Variants in TTC16 observed in about 807,000 individuals in gnomAD.
The protein encoded by TTC16 is tetratricopeptide repeat domain 16.
A neutral mutation model predicts 80.4 loss-of-function variants in TTC16; 66 were observed. The observed-to-expected ratio is 0.82, with a 90% CI of 0.67 to 1.01. The LOEUF is 1.01. Among genes scored for constraint, TTC16 ranks in the 50% least tolerant of loss-of-function variants. The pLI, the probability that TTC16 is intolerant of heterozygous loss-of-function variation, is 0.00. For missense variants in TTC16, 1,070 were observed against 1,103.2 expected (o/e 0.97, Z 0.43); for synonymous variants, 438 against 451.3 (o/e 0.97, Z 0.37).
chr9:127,722,998 C>A lies in TTC16; in HGVS notation c.658-121C>A. ...AAAAAAAAAAGCAGAAAGGGTGGAACATGGAGGGATGTGAGGGGCACGGAG... is the reference window on the plus strand; with the variant it reads ...AAAAAAAAAAGCAGAAAGGGTGGAAAATGGAGGGATGTGAGGGGCACGGAG... On this transcript the variant is annotated intron_variant, in intron 6 of 13. Transcript: ENST00000373289. The surrounding 1 kb of genome is among the most constrained non-coding windows in gnomAD (Gnocchi z 4.2). 2.6e-5 allele frequency: 23 copies of A among 870,216 alleles called. No homozygotes were observed. Among genetic ancestry groups the A allele is most frequent in the Non-Finnish European group, 4.0e-5 (23 of 568,926 alleles). 53.9% of individuals were successfully genotyped at this position (870,216 alleles called of 1,614,324 possible).
intron 9 of TTC16, among the ~76,000 whole-genome samples, chr9:127,725,205 C>T (rs1178654835): frequency 2.6e-5 from 4 of 151,814 alleles, no homozygotes; most frequent in Non-Finnish European, 5.9e-5. Context: ...GCCAGGGAGG[C>T]GGAGCTGGCA....
At position 127,722,749 on chromosome 9, in the gene TTC16, A is replaced by G. The variant is rs573000371; in HGVS notation, c.658-370A>G. Reference sequence around the variant, plus strand: ...GGTGGGCGGATCACCTAAGGTCAGGAGTTTGAGACCAGCCTGGCCAACATA... The same window carrying G: ...GGTGGGCGGATCACCTAAGGTCAGGGGTTTGAGACCAGCCTGGCCAACATA... On this transcript the variant is annotated intron_variant, in intron 6 of 13. Transcript: ENST00000373289. The surrounding 1 kb of genome is among the most constrained non-coding windows in gnomAD (Gnocchi z 4.2). Among the ~76,000 whole-genome samples, 14 of 152,232 alleles carry G rather than the reference A, an allele frequency of 9.2e-5. No individual in the cohort carries two copies. The highest frequency in any genetic ancestry group is 2.9e-4 in the African/African-American group (12 of 41,544).
At position 127,731,112 on chromosome 9, in the gene TTC16, G is replaced by C. The variant is rs753496466; in HGVS notation, c.2329G>C (p.Ala777Pro). 6.2e-7 allele frequency: 1 copy of C among 1,611,684 alleles called. No homozygotes were observed. Among genetic ancestry groups the C allele is most frequent in the Non-Finnish European group, 8.5e-7 (1 of 1,179,406 alleles). Residue 777 changes from alanine to proline, a missense_variant, in exon 14 of 14, where the codon GCT becomes CCT. By Grantham distance (27) the Ala-to-Pro change is conservative (BLOSUM62 -1). Transcript: ENST00000373289. Reference protein sequence around the residue: ...SPRQRPRKVKAARGRSWRPSK... With the variant: ...SPRQRPRKVKPARGRSWRPSK... ...AAGGCAGAGGCCCAGAAAGGTCAAG[G>C]CTGCTCGTGGCCGGAGCTGGAGACC...
rs570967923 is a variant in TTC16, at chr9:127,724,381, G to A, written c.1117+17G>A. ...ACCGAGGCGGTGCGCAGCGACCAGG[G>A]CACTGGGGAGGGGGGGTGCGGGGGA... On this transcript the variant is annotated intron_variant, in intron 8 of 13. Transcript: ENST00000373289. The A allele has an allele frequency of 8.7e-6, 14 of 1,605,814 alleles. No individual in the cohort carries two copies. Among genetic ancestry groups the A allele is most frequent in the South Asian group, 6.6e-5 (6 of 90,568 alleles).
chr9:127,729,533 G>A, intron 12 of TTC16, 48 bp from the exon 13 acceptor site: 2 of 1,525,446 alleles, frequency 1.3e-6, no homozygotes, highest in Non-Finnish European at 1.8e-6. Flanking sequence ...AGGTGCAGCT[G>A]CACGGGCCTC....
chr9:127,730,901 C>T lies in TTC16; in HGVS notation c.2118C>T (p.Asn706=). ...SKTKATIHKR[N]SSKTKATQSQ... is the part of the protein sequence containing the mutation. The stretch of plus-strand genomic sequence containing the variant: ...CCAAGGCCACTATACACAAGAGGAA[C>T]TCCAGCAAGACCAAGGCCACCCAAA... The change falls in exon 14 of 14, where the codon AAC becomes AAT. Residue 706 remains asparagine (N), a synonymous_variant. Transcript: ENST00000373289. 1.2e-6 allele frequency: 2 copies of T among 1,612,184 alleles called. No homozygotes were observed. The highest frequency in any genetic ancestry group is 8.5e-7 in the Non-Finnish European group (1 of 1,179,772).
chr9:127,716,528 A>G (rs1843024139), intron 1 of TTC16: 1 of 531,036 alleles, frequency 1.9e-6, no homozygotes, highest in Non-Finnish European at 3.4e-6. Context: ...AGCTGGAGAC[A>G]TCAAAGCTTG....
intron 13 of TTC16, 139 bp from the exon 14 acceptor site, chr9:127,730,497 G>A: frequency 1.5e-6 from 2 of 1,311,112 alleles, no homozygotes; most frequent in South Asian, 1.5e-5. Flanking sequence ...CTGGGCGGGG[G>A]TGATCTGCAG....
intron 10 of TTC16, 43 bp from the exon 11 acceptor site, chr9:127,726,927 G>A (rs1253060593): frequency 1.2e-6 from 2 of 1,611,018 alleles, no homozygotes; most frequent in Non-Finnish European, 1.7e-6. Context: ...TCTGTCTGCT[G>A]CTCTGGCCCT....
intron 9 of TTC16, among the ~76,000 whole-genome samples, chr9:127,725,540 G>A (rs71481317): frequency 0.56 from 66,556 of 118,442 alleles, 19,462 homozygotes; most frequent in Middle Eastern, 0.63. Context: ...CTCCAGCCTG[G>A]GTGACAGAGT....
chr9:127,723,823 G>A (rs1843684687), intron 7 of TTC16, among the ~76,000 whole-genome samples: 1 of 152,068 alleles, frequency 6.6e-6, no homozygotes, highest in South Asian at 2.1e-4. Flanking sequence ...AAACAGTGGT[G>A]GTAAAACACC....
At chr9:127,724,962 A>C (rs1005380490) in intron 9 of TTC16, 65 bp downstream of exon 9, 22 of 1,432,792 alleles carry the variant, frequency 1.5e-5, no homozygotes, top group Non-Finnish European at 1.9e-5. Flanking sequence ...CAGGAGGCCA[A>C]CTGCTGGGAT....
At chr9:127,720,021 G>C (rs1843322934) in intron 4 of TTC16, 57 bp from the exon 5 acceptor site, 12 of 1,496,752 alleles carry the variant, frequency 8.0e-6, no homozygotes, top group Non-Finnish European at 1.1e-5. Flanking sequence ...GCTGCCAACT[G>C]GGGGGTGCAG....
At chr9:127,726,448 C>A in intron 10 of TTC16, 44 bp downstream of exon 10, 1 of 1,497,918 alleles carries the variant, frequency 6.7e-7, no homozygotes, top group South Asian at 1.3e-5. Flanking sequence ...GGAGTCATGC[C>A]CGGTGCATAA....
rs569142707 is a variant in TTC16, at chr9:127,722,478, C to T, written c.658-641C>T. Among the ~76,000 whole-genome samples the T allele has an allele frequency of 1.2e-4, 19 of 152,164 alleles. No individual in the cohort carries two copies. The highest frequency in any genetic ancestry group is 9.7e-4 in the East Asian group (5 of 5,176). On this transcript the variant is annotated intron_variant, in intron 6 of 13. Transcript: ENST00000373289. This position sits in a 1 kb window ranked among gnomAD's most constrained non-coding sequence, Gnocchi z 4.2. ...CAGGGGAGGGGAGGGAGGACACAAC[C>T]GTCACAGTCAGGAGGTCACATGCTC...
In TTC16 at chr9:127,724,113, C is replaced by CG. The variant is rs779200375; in HGVS notation, c.873-7_873-6insG. 2.5e-6 allele frequency: 4 copies of CG among 1,599,734 alleles called. No individual in the cohort carries two copies. Among genetic ancestry groups the CG allele is most frequent in the Non-Finnish European group, 3.4e-6 (4 of 1,171,908 alleles). ...CCTCCTGCCGTCTCCCACGCCCCCC[C>CG]CGACAGGGGCACCATGTACCGACGG... On this transcript the variant is annotated splice_polypyrimidine_tract_variant and splice_region_variant and intron_variant, in intron 7 of 13. Coordinates refer to ENST00000373289, the MANE Select transcript of TTC16 (RefSeq NM_144965.3).
rs776780050 is a variant in TTC16, at chr9:127,717,299, G to A, written c.192-35G>A. ...ATGCCCTGGGCTGGTCCACAGTCAG[G>A]GCCACCCCTCTGCCTGTCCCCACTT... is the stretch of plus-strand genomic sequence containing the variant. On this transcript the variant is annotated intron_variant, in intron 2 of 13. Transcript: ENST00000373289. 53 of 1,596,480 alleles carry A rather than the reference G, an allele frequency of 3.3e-5. No individual in the cohort carries two copies. The South Asian group carries it at 5.0e-4, about 15-fold the overall frequency.
chr9:127,720,369 G>A lies in TTC16; in HGVS notation c.631G>A (p.Ala211Thr). ...TTNADVYIFR[A>T]RLYNFLQKPH... ...CAACGCCGATGTCTACATCTTCCGGGCCAGACTCTACAACTTTCTCCAGAA... is the reference window on the plus strand; with the variant it reads ...CAACGCCGATGTCTACATCTTCCGGACCAGACTCTACAACTTTCTCCAGAA... The change falls in exon 6 of 14, where the codon GCC becomes ACC. Residue 211 changes from alanine to threonine, a missense_variant. Transcript: ENST00000373289. 1 of 1,607,756 alleles carries A rather than the reference G, an allele frequency of 6.2e-7. No individual in the cohort carries two copies. Among genetic ancestry groups the A allele is most frequent in the Non-Finnish European group, 8.5e-7 (1 of 1,175,374 alleles).
rs775803573 is a variant in TTC16, at chr9:127,731,066, G to T, written c.2283G>T (p.Lys761Asn). ...AGGGCCCAAGGCAGGAGCCCAGCAA[G>T]ACCAAGACCACCCGGAGCCCAAGGC... is the stretch of plus-strand genomic sequence containing the variant. Reference protein sequence around the residue: ...ATQGPRQEPSKTKTTRSPRQR... With the variant: ...ATQGPRQEPSNTKTTRSPRQR... The change falls in exon 14 of 14, where the codon AAG (lysine) becomes AAT (asparagine). Residue 761 changes from lysine to asparagine, a missense_variant. Physicochemically the swap from Lys to Asn is moderately conservative, Grantham distance 94 (BLOSUM62 0). Transcript: ENST00000373289. The T allele has an allele frequency of 2.5e-6, 4 of 1,612,496 alleles. No individual in the cohort carries two copies. The highest frequency in any genetic ancestry group is 2.5e-6 in the Non-Finnish European group (3 of 1,179,782).
Sources: gnomAD v4.1 joint callset for allele counts (sites outside exome capture counted in the v4.1 genomes callset) on GRCh38, gnomAD v4.1.1 for gene constraint, Gnocchi (gnomAD v3.1) non-coding constraint, MANE v1.5 for transcripts, NCBI Gene and HGNC (gene_info 2026-07-23, HGNC 2026-07-21) for gene names.